Variants in PTPRM observed in about 807,000 individuals in gnomAD.
PTPRM encodes the protein protein tyrosine phosphatase receptor type M.
PTPRM carries 47 observed loss-of-function variants against 186.7 expected under a neutral mutation model. The observed-to-expected ratio is 0.25, with a 90% CI of 0.20 to 0.32. The LOEUF is 0.32. Ranked by LOEUF, PTPRM falls within the 10% of genes least tolerant of loss-of-function variation. The pLI is 1.00. For missense variants in PTPRM, 1,494 were observed against 1,865.0 expected (o/e 0.80, Z 3.66); for synonymous variants, 668 against 674.9 (o/e 0.99, Z 0.16).
At chr18:7,871,590 C>G (rs1056042551) in intron 2 of PTPRM, among the ~76,000 whole-genome samples, 1 of 152,180 alleles carries the variant, frequency 6.6e-6, no homozygotes, top group Non-Finnish European at 1.5e-5. Context: ...GTGGAATGAA[C>G]AAATGTTGAA....
chr18:7,633,428 G>A (rs1327574346), intron 1 of PTPRM, among the ~76,000 whole-genome samples: 1 of 152,092 alleles, frequency 6.6e-6, no homozygotes, highest in Non-Finnish European at 1.5e-5. Context: ...ATCCTTTCTG[G>A]TTTCTTCAAG....
At chr18:7,643,561 C>T (rs140221712) in intron 1 of PTPRM, among the ~76,000 whole-genome samples, 18,103 of 151,976 alleles carry the variant, frequency 0.12, 1,750 homozygotes, top group African/African-American at 0.25. Flanking sequence ...AGGATGGTCT[C>T]GATCTCCTGA....
intron 1 of PTPRM, among the ~76,000 whole-genome samples, chr18:7,621,750 C>G (rs1240344226): frequency 6.6e-6 from 1 of 152,160 alleles, no homozygotes; most frequent in African/African-American, 2.4e-5. Flanking sequence ...TCTTCTTTCA[C>G]TTAATAATAT....
intron 14 of PTPRM, among the ~76,000 whole-genome samples, chr18:8,226,884 C>T (rs1224616753): frequency 6.6e-6 from 1 of 152,260 alleles, no homozygotes; most frequent in East Asian, 1.9e-4. Context: ...AGACTACCCG[C>T]ATTCCTTGGC....
chr18:8,035,467 C>T (rs543623442), intron 7 of PTPRM, among the ~76,000 whole-genome samples: 1 of 152,254 alleles, frequency 6.6e-6, no homozygotes, highest in South Asian at 2.1e-4. Context: ...TGCACACCCT[C>T]CCATAGCCTT....
chr18:7,907,214 G>C (rs1567996812), intron 4 of PTPRM, among the ~76,000 whole-genome samples: 1 of 152,212 alleles, frequency 6.6e-6, no homozygotes, highest in East Asian at 1.9e-4. Flanking sequence ...CAAATTGCTA[G>C]ATCTGTTTCT....
At chr18:7,887,588 G>A (rs28688385) in intron 2 of PTPRM, among the ~76,000 whole-genome samples, 2,930 of 152,140 alleles carry the variant, frequency 0.019, 85 homozygotes, top group African/African-American at 0.067. Context: ...CTTTCTCTAG[G>A]TTATACAGAG....
chr18:8,369,646 CAGA>C (rs2095652253), intron 23 of PTPRM, among the ~76,000 whole-genome samples: 2 of 152,166 alleles, frequency 1.3e-5, no homozygotes, highest in Non-Finnish European at 2.9e-5. Flanking sequence ...AAGATGCTCA[CAGA>C]AGAAGTTAGA....
intron 7 of PTPRM, among the ~76,000 whole-genome samples, chr18:7,996,300 A>G (rs1407922198): frequency 6.6e-6 from 1 of 152,182 alleles, no homozygotes; most frequent in African/African-American, 2.4e-5. Flanking sequence ...ATAAAAGACA[A>G]AAGTCATATG....
intron 14 of PTPRM, among the ~76,000 whole-genome samples, chr18:8,191,216 C>T (rs1036195379): frequency 6.6e-6 from 1 of 152,176 alleles, no homozygotes. Flanking sequence ...CACCTATGGC[C>T]TCAGCCTTGG....
intron 19 of PTPRM, among the ~76,000 whole-genome samples, chr18:8,278,872 A>G (rs185859585): frequency 4.6e-5 from 7 of 152,330 alleles, no homozygotes; most frequent in African/African-American, 1.7e-4. Context: ...ATTTATGCAC[A>G]TAACACACAC....
chr18:7,726,094 C>A (rs866353689), intron 1 of PTPRM, among the ~76,000 whole-genome samples: 1 of 152,192 alleles, frequency 6.6e-6, no homozygotes, highest in Non-Finnish European at 1.5e-5. Context: ...TGCACTCCCC[C>A]TCCTGTGAGG....
At chr18:7,658,186 C>T (rs868689243) in intron 1 of PTPRM, among the ~76,000 whole-genome samples, 10 of 151,860 alleles carry the variant, frequency 6.6e-5, no homozygotes, top group South Asian at 4.2e-4. Flanking sequence ...TCTCCTGGTC[C>T]GTTCATTCTT....
intron 7 of PTPRM, among the ~76,000 whole-genome samples, chr18:8,022,110 A>G (rs1406703923): frequency 6.6e-6 from 1 of 152,212 alleles, no homozygotes; most frequent in South Asian, 2.1e-4. Context: ...TTGGAAGCCT[A>G]TCTTAAGCCA....
intron 22 of PTPRM, among the ~76,000 whole-genome samples, chr18:8,333,194 CA>C (rs1377726156): frequency 6.6e-6 from 1 of 152,180 alleles, no homozygotes; most frequent in Non-Finnish European, 1.5e-5. Context: ...TATACCCACC[CA>C]TCTCAACTTT....
At chr18:7,713,541 A>G (rs907738393) in intron 1 of PTPRM, among the ~76,000 whole-genome samples, 1 of 152,112 alleles carries the variant, frequency 6.6e-6, no homozygotes, top group Non-Finnish European at 1.5e-5. Context: ...AAATGTAAAC[A>G]GGTTAAATGC....
intron 2 of PTPRM, among the ~76,000 whole-genome samples, chr18:7,809,945 A>T (rs567955953): frequency 8.5e-5 from 13 of 152,214 alleles, no homozygotes; most frequent in African/African-American, 3.1e-4. Flanking sequence ...TGTTTCAGGG[A>T]ATATCTGCAA....
At chr18:8,216,987 G>C (rs997076555) in intron 14 of PTPRM, among the ~76,000 whole-genome samples, 9 of 152,208 alleles carry the variant, frequency 5.9e-5, no homozygotes, top group African/African-American at 2.2e-4. Flanking sequence ...GTTGCTTATG[G>C]AAATAGCTTC....
intron 1 of PTPRM, among the ~76,000 whole-genome samples, chr18:7,739,982 GTC>G (rs1315476199): frequency 6.6e-6 from 1 of 152,206 alleles, no homozygotes; most frequent in Non-Finnish European, 1.5e-5. Flanking sequence ...GTCCATTACA[GTC>G]TCTGTTAGCC....
Sources: allele counts gnomAD v4.1 joint callset (sites outside exome capture counted in the v4.1 genomes callset), GRCh38; gene constraint gnomAD v4.1.1; transcripts MANE v1.5; gene names NCBI Gene and HGNC (gene_info 2026-07-23, HGNC 2026-07-21).